The following TTLL10 variants were observed in gnomAD, a reference collection of about 807,000 sequenced individuals.
TTLL10 encodes the protein inactive polyglycylase TTLL10.
A neutral mutation model predicts 69.0 loss-of-function variants in TTLL10; 61 were observed. The observed-to-expected ratio is 0.88, with a 90% confidence interval of 0.72 to 1.09. The LOEUF is 1.09. Ranked by LOEUF, TTLL10 falls within the 50% of genes least tolerant of loss-of-function variation. The pLI is 0.00. For missense variants in TTLL10, 962 were observed against 945.9 expected (o/e 1.02, Z -0.22); for synonymous variants, 408 against 393.3 (o/e 1.04, Z -0.44).
At chr1:1,184,589 G>A (rs1054740586) in intron 12 of TTLL10, among the ~76,000 whole-genome samples, 1 of 152,226 alleles carries the variant, frequency 6.6e-6, no homozygotes, top group Admixed American at 6.5e-5. Flanking sequence ...GGTCTTTGCA[G>A]GCAGGTCAGG....
chr1:1,196,149 ATTTT>A (rs912565791), intron 13 of TTLL10, among the ~76,000 whole-genome samples: 2 of 151,832 alleles, frequency 1.3e-5, no homozygotes, highest in Middle Eastern at 3.4e-3. Flanking sequence ...AATAATGACA[ATTTT>A]TTTTTATAAA....
Position 1,180,842 on chromosome 1 carries a change from C to A in TTLL10, c.737C>A (p.Pro246Gln). 1 of 1,574,006 alleles carries A rather than the reference C, an allele frequency of 6.4e-7. No homozygotes were observed. The highest frequency in any genetic ancestry group is 1.2e-5 in the South Asian group (1 of 85,952). The change falls in exon 8 of 16, where the codon CCG becomes CAG. Residue 246 changes from proline to glutamine, a missense_variant. Pro to Gln is a moderately conservative substitution (Grantham distance 76, BLOSUM62 -1). Transcript: ENST00000379289. The part of the protein sequence containing the change: ...ARAMSKASKV[P>Q]GGVQARLEKD... ...GCCATGAGCAAGGCCAGCAAGGTGC[C>A]GGGGGGGGTCCAGGCCAGGTGAGTC...
At position 1,180,846 on chromosome 1, in the gene TTLL10, G is replaced by A. The variant is rs996822743; in HGVS notation, c.741G>A (p.Gly247=). Residue 247 remains glycine (G), a synonymous_variant, in exon 8 of 16, where the codon GGG becomes GGA. Transcript: ENST00000379289. ...TGAGCAAGGCCAGCAAGGTGCCGGG[G>A]GGGGTCCAGGCCAGGTGAGTCTGCC... ...RAMSKASKVP[G]GVQARLEKDA... is the part of the protein sequence containing the mutation. 92 of 1,575,522 alleles carry A rather than the reference G, an allele frequency of 5.8e-5. No individual in the cohort carries two copies. Among genetic ancestry groups the A allele is most frequent in the Non-Finnish European group, 7.7e-5 (90 of 1,161,322 alleles).
intron 5 of TTLL10, 85 bp from the exon 6 acceptor site, chr1:1,179,949 G>A (rs1273908566): frequency 2.1e-6 from 3 of 1,443,852 alleles, no homozygotes; most frequent in Non-Finnish European, 2.7e-6. Context: ...TGGAGAAATG[G>A]GCTGGGAGCA....
chr1:1,177,073 T>C (rs572895197), intron 3 of TTLL10, among the ~76,000 whole-genome samples: 8 of 151,644 alleles, frequency 5.3e-5, no homozygotes, highest in Non-Finnish European at 1.0e-4. Context: ...TGTGTGTGTG[T>C]GGGTGTCTGT....
At chr1:1,175,728 C>T in intron 3 of TTLL10, 1 of 454,656 alleles carries the variant, frequency 2.2e-6, no homozygotes, top group Middle Eastern at 3.3e-4. Flanking sequence ...GGCTGCTGCT[C>T]CCAGCTGCTG....
chr1:1,181,851 C>T lies in TTLL10; in HGVS notation c.830+36C>T, dbSNP rs374154094. 13 of 1,565,558 alleles carry T rather than the reference C, an allele frequency of 8.3e-6. No individual in the cohort carries two copies. Among genetic ancestry groups the T allele is most frequent in the Middle Eastern group, 1.7e-4 (1 of 6,002 alleles). On this transcript the variant is annotated intron_variant, in intron 9 of 15. Transcript: ENST00000379289. The surrounding 1 kb of genome is among the most constrained non-coding windows in gnomAD (Gnocchi z 4.6). ...CCCAGCTGTGAGGGGCCCTTCAGAC[C>T]GAAGTTCAGACCTAAACCTGGTGTC... is the stretch of plus-strand genomic sequence containing the variant.
intron 3 of TTLL10, chr1:1,175,599 TC>T: frequency 2.4e-6 from 1 of 421,382 alleles, no homozygotes. Context: ...GTCCCTGAGC[TC>T]TCTGCCTCCC....
chr1:1,182,361 G>T lies in TTLL10; in HGVS notation c.831G>T (p.Arg277Ser), dbSNP rs1166427164. The change falls in exon 10 of 16, where the codon AGG becomes AGT. Residue 277 changes from arginine to serine, a missense_variant and splice_region_variant. Arg to Ser is a moderately radical substitution (Grantham distance 110). Transcript: ENST00000379289. ...WTSPGYLRPQRVLRMEEFFPE... is the reference protein window; with the variant it reads ...WTSPGYLRPQSVLRMEEFFPE... ...ATCCTCCTGCCTCCCTGCCCTGCAGGGTCCTGAGAATGGAAGAGTTTTTCC... is the reference window on the plus strand; with the variant it reads ...ATCCTCCTGCCTCCCTGCCCTGCAGTGTCCTGAGAATGGAAGAGTTTTTCC... The T allele has an allele frequency of 6.2e-7, 1 of 1,613,744 alleles. No individual in the cohort carries two copies. Among genetic ancestry groups the T allele is most frequent in the South Asian group, 1.1e-5 (1 of 91,088 alleles).
chr1:1,188,877 A>G (rs10907172), intron 13 of TTLL10, among the ~76,000 whole-genome samples: 20,463 of 152,248 alleles, frequency 0.13, 2,523 homozygotes, highest in East Asian at 0.59. Context: ...TCTGTCACCT[A>G]CGGTAAATAT....
At chr1:1,194,309 C>T (rs777881999) in intron 13 of TTLL10, among the ~76,000 whole-genome samples, 16 of 152,194 alleles carry the variant, frequency 1.1e-4, no homozygotes, top group Non-Finnish European at 2.1e-4. Context: ...CAAATTACAG[C>T]TCAGTATATT....
chr1:1,190,553 G>A (rs964259640), intron 13 of TTLL10, among the ~76,000 whole-genome samples: 9 of 151,282 alleles, frequency 5.9e-5, no homozygotes, highest in South Asian at 2.1e-4. Flanking sequence ...TCAGCTTCCC[G>A]AGTAGCTGGG....
chr1:1,185,887 G>A lies in TTLL10; in HGVS notation c.1401+778G>A, dbSNP rs1570427975. On this transcript the variant is annotated intron_variant, in intron 13 of 15. Coordinates refer to ENST00000379289, the MANE Select transcript of TTLL10 (RefSeq NM_001130045.2). This position sits in a 1 kb window ranked among gnomAD's most constrained non-coding sequence, Gnocchi z 6.1. ...AAAGTGTGCAGTTCAGTGGCTTTTA[G>A]TATTTCAAAAGTTGTGCAATTATCA... 2.1e-6 allele frequency: 2 copies of A among 962,050 alleles called. No individual in the cohort carries two copies. The highest frequency in any genetic ancestry group is 2.5e-6 in the Non-Finnish European group (2 of 808,750). The allele number at this position is 962,050 out of a possible 1,614,324, so 59.6% of individuals were successfully genotyped here. A position where few individuals can be genotyped will look rare whatever the true frequency, so the allele number is the denominator to read the frequency against.
At position 1,197,628 on chromosome 1, in the gene TTLL10, G is replaced by T. The variant is rs757361695; in HGVS notation, c.1803G>T (p.Pro601=). 1.3e-6 allele frequency: 2 copies of T among 1,514,032 alleles called. No homozygotes were observed. The highest frequency in any genetic ancestry group is 1.8e-6 in the Non-Finnish European group (2 of 1,137,362). 93.8% of individuals were successfully genotyped at this position (1,514,032 alleles called of 1,614,324 possible). ...RQAKSSGPPM[P]HAPDQPGARR... is the part of the protein sequence containing the mutation. ...CCAAGTCCTCCGGGCCACCCATGCCGCATGCCCCAGACCAGCCGGGCGCCC... is the reference window on the plus strand; with the variant it reads ...CCAAGTCCTCCGGGCCACCCATGCCTCATGCCCCAGACCAGCCGGGCGCCC... Residue 601 remains proline (P), a synonymous_variant, in exon 16 of 16, where the codon CCG becomes CCT. Coordinates refer to ENST00000379289, the MANE Select transcript of TTLL10 (RefSeq NM_001130045.2).
intron 13 of TTLL10, among the ~76,000 whole-genome samples, chr1:1,191,551 G>C (rs1442208231): frequency 6.6e-6 from 1 of 152,222 alleles, no homozygotes; most frequent in African/African-American, 2.4e-5. Flanking sequence ...CACTGGAGAA[G>C]GAGGTGTATC....
Position 1,180,828 on chromosome 1 carries a change from G to T in TTLL10, c.723G>T (p.Lys241Asn). The T allele has an allele frequency of 6.3e-7, 1 of 1,594,428 alleles. No homozygotes were observed. Among genetic ancestry groups the T allele is most frequent in the African/African-American group, 1.3e-5 (1 of 74,154 alleles). ...TLRGRARAMS[K>N]ASKVPGGVQA... ...GGGGACGGGCACGGGCCATGAGCAA[G>T]GCCAGCAAGGTGCCGGGGGGGGTCC... Residue 241 changes from lysine to asparagine, a missense_variant, in exon 8 of 16, where the codon AAG becomes AAT. Transcript: ENST00000379289.
chr1:1,176,418 T>G (rs1242547800), intron 3 of TTLL10: 1 of 454,758 alleles, frequency 2.2e-6, no homozygotes, highest in East Asian at 6.9e-5. Context: ...AGTCATCAGG[T>G]CAGCTGCAAG....
intron 3 of TTLL10, among the ~76,000 whole-genome samples, chr1:1,178,784 C>T (rs1472809804): frequency 1.3e-5 from 2 of 152,136 alleles, no homozygotes; most frequent in East Asian, 3.9e-4. Flanking sequence ...CAGCCCACAG[C>T]TGGGCTCCGG....
At chr1:1,182,688 G>T (rs530154459) in intron 10 of TTLL10, among the ~76,000 whole-genome samples, 188 bp from the exon 11 acceptor site, 154 of 152,252 alleles carry the variant, frequency 1.0e-3, no homozygotes, top group South Asian at 4.4e-3. Context: ...CAGGGCTGGA[G>T]CTTGGTCCGG....
Sources: gnomAD v4.1 joint callset for allele counts (sites outside exome capture counted in the v4.1 genomes callset) on GRCh38, gnomAD v4.1.1 for gene constraint, Gnocchi (gnomAD v3.1) non-coding constraint, MANE v1.5 for transcripts, NCBI Gene and HGNC (gene_info 2026-07-23, HGNC 2026-07-21) for gene names.